The following SLC13A2 variants were observed in gnomAD, a reference collection of about 807,000 sequenced individuals.
SLC13A2 encodes solute carrier family 13 member 2, also known as Na(+)-coupled citrate transporter.
Under a neutral mutation model 58.5 loss-of-function variants are expected in SLC13A2, and 40 were observed. That is an observed-to-expected ratio of 0.68 (90% CI 0.53 to 0.89). The LOEUF (loss-of-function observed/expected upper bound fraction) is 0.89, where lower values mean the gene tolerates loss of function less well. SLC13A2 is among the 40% of genes least tolerant of loss of function. The pLI, the probability that SLC13A2 is intolerant of heterozygous loss-of-function variation, is 0.00. For synonymous variants in SLC13A2, 341 were observed against 331.6 expected (o/e 1.03, Z -0.31); for missense variants, 694 against 772.6 (o/e 0.90, Z 1.21).
Position 28,494,410 on chromosome 17 carries a change from G to A in SLC13A2, c.1206G>A (p.Lys402=). 6.2e-7 allele frequency: 1 copy of A among 1,614,234 alleles called. No individual in the cohort carries two copies. Among genetic ancestry groups the A allele is most frequent in the Admixed American group, 1.7e-5 (1 of 60,032 alleles). ...AAGTAGAAAACCCAGGGAAGCTGAA[G>A]GCCCCTCTTGGCCTCCTCGACTGGA... is the stretch of plus-strand genomic sequence containing the variant. ...TQDPENPGKL[K]APLGLLDWKT... is the part of the protein sequence containing the mutation. Residue 402 remains lysine, a synonymous_variant, in exon 9 of 12, where the codon AAG becomes AAA. Coordinates refer to ENST00000314669, the MANE Select transcript of SLC13A2 (RefSeq NM_003984.4). The surrounding 1 kb of genome is among the most constrained non-coding windows in gnomAD (Gnocchi z 4.0).
intron 1 of SLC13A2, among the ~76,000 whole-genome samples, chr17:28,486,820 G>T (rs142334967): frequency 1.0e-3 from 149 of 147,552 alleles, no homozygotes; most frequent in African/African-American, 3.3e-3. Flanking sequence ...TTGATACAAG[G>T]TCTCACTCCA....
chr17:28,493,870 T>C (rs1464802914), intron 7 of SLC13A2, 81 bp downstream of exon 7: 13 of 1,529,840 alleles, frequency 8.5e-6, no homozygotes, highest in African/African-American at 4.1e-5. Context: ...GGGCCCCCAT[T>C]GCAGAACAGG....
chr17:28,489,382 G>A lies in SLC13A2; in HGVS notation c.231+40G>A, dbSNP rs200808845. On this transcript the variant is annotated intron_variant, in intron 2 of 11. Coordinates refer to ENST00000314669, the MANE Select transcript of SLC13A2 (RefSeq NM_003984.4). ...TAGGAGAAAGCGTTCTGGGCAGTGCGGGAGGCCAGGGGGTGGGTTCCCTCA... is the reference window on the plus strand; with the variant it reads ...TAGGAGAAAGCGTTCTGGGCAGTGCAGGAGGCCAGGGGGTGGGTTCCCTCA... 89 of 1,575,644 alleles carry A rather than the reference G, an allele frequency of 5.6e-5. No homozygotes were observed. In the East Asian group the frequency reaches 7.7e-4, roughly 14 times the overall value.
rs372987612 is a variant in SLC13A2 at position 28,482,005 on chromosome 17, GGTTTGTTT to G, written c.103-7188_103-7181del. Among the ~76,000 whole-genome samples the G allele has an allele frequency of 4.1e-4, 62 of 151,968 alleles. 3 individuals carry two copies. The highest frequency in any genetic ancestry group is 2.0e-3 in the Admixed American group (30 of 15,238). On this transcript the variant is annotated intron_variant, in intron 1 of 11. Coordinates refer to ENST00000314669, the MANE Select transcript of SLC13A2 (RefSeq NM_003984.4). ...ATTTGTTTAGGTTTTAAAAGTTAAG[GGTTTGTTT>G]GTTTGTTTGTTTGTTTGTTTTGAGA...
At chr17:28,480,062 GA>G (rs1276087844) in intron 1 of SLC13A2, among the ~76,000 whole-genome samples, 11 of 151,864 alleles carry the variant, frequency 7.2e-5, no homozygotes. Flanking sequence ...GCTGAGGCAG[GA>G]GATTCTCTTG....
In SLC13A2 at chr17:28,483,245, A is replaced by G. The variant is rs1474090486; in HGVS notation, c.103-5969A>G. 1.2e-4 allele frequency among the ~76,000 whole-genome samples: 19 copies of G among 152,142 alleles called. 1 individual carries two copies. Among genetic ancestry groups the G allele is most frequent in the Non-Finnish European group, 2.9e-5 (2 of 68,010 alleles). On this transcript the variant is annotated intron_variant, in intron 1 of 11. Transcript: ENST00000314669. ...GCACCTTCACTTCCATTTGTGCCTC[A>G]TGTAACCTCTCTGGTTCTCCAGAAG... is the stretch of plus-strand genomic sequence containing the variant.
intron 1 of SLC13A2, among the ~76,000 whole-genome samples, chr17:28,480,174 G>A (rs2068760603): frequency 6.7e-6 from 1 of 150,110 alleles, no homozygotes; most frequent in South Asian, 2.1e-4. Context: ...AAAAGGGGGG[G>A]TCAAAAAAAT....
chr17:28,490,956 G>A (rs1555603279), intron 4 of SLC13A2, 50 bp downstream of exon 4: 8 of 1,508,918 alleles, frequency 5.3e-6, no homozygotes, highest in Middle Eastern at 1.8e-4. Context: ...TTCTTGGAGA[G>A]AGTCTGAGGG....
chr17:28,491,259 C>A (rs1234241713), intron 4 of SLC13A2, among the ~76,000 whole-genome samples, 178 bp from the exon 5 acceptor site: 1 of 152,162 alleles, frequency 6.6e-6, no homozygotes, highest in Admixed American at 6.5e-5. Flanking sequence ...AGGGTGCTCC[C>A]AGCCTGAGAC....
intron 1 of SLC13A2, among the ~76,000 whole-genome samples, chr17:28,483,137 T>G (rs1165909955): frequency 1.3e-5 from 2 of 152,236 alleles, no homozygotes; most frequent in Non-Finnish European, 2.9e-5. Context: ...CAGGCTGTAC[T>G]GTGCCAGTGA....
chr17:28,490,629 GA>G (rs782411378), intron 3 of SLC13A2, 39 bp downstream of exon 3: 119 of 1,588,206 alleles, frequency 7.5e-5, no homozygotes, highest in Non-Finnish European at 9.1e-5. Flanking sequence ...AGAACCTGAC[GA>G]GGAGATATTC....
At chr17:28,478,246 C>T (rs906765579) in intron 1 of SLC13A2, among the ~76,000 whole-genome samples, 4 of 152,144 alleles carry the variant, frequency 2.6e-5, no homozygotes, top group Admixed American at 1.3e-4. Flanking sequence ...GTGGTGCCCC[C>T]GCTGTGACCC....
chr17:28,484,243 G>A (rs138489474), intron 1 of SLC13A2, among the ~76,000 whole-genome samples: 5,601 of 152,244 alleles, frequency 0.037, 121 homozygotes, highest in Middle Eastern at 0.051. Flanking sequence ...TGCAGAAGAG[G>A]TACAGGGACT....
intron 1 of SLC13A2, among the ~76,000 whole-genome samples, chr17:28,486,448 G>GAAC (rs2068883421): frequency 6.6e-6 from 1 of 152,186 alleles, no homozygotes; most frequent in Non-Finnish European, 1.5e-5. Context: ...GATGCAGGAA[G>GAAC]AACAAATCAG....
rs782667964 is a variant in SLC13A2 at position 28,494,356 on chromosome 17, C to T, written c.1187-35C>T. ...TGGAGAGGGGAAAGGCCTGTTTGTT[C>T]TTTGGTGACCCATCCTTCTCTGCTT... On this transcript the variant is annotated intron_variant, in intron 8 of 11. Transcript: ENST00000314669. This position sits in a 1 kb window ranked among gnomAD's most constrained non-coding sequence, Gnocchi z 4.0. 3 of 1,614,132 alleles carry T rather than the reference C, an allele frequency of 1.9e-6. No individual in the cohort carries two copies. The Admixed American group carries it at 5.0e-5, about 27-fold the overall frequency.
chr17:28,497,326 G>A lies in SLC13A2; in HGVS notation c.*57G>A. The A allele has an allele frequency of 1.3e-6, 2 of 1,553,466 alleles. No homozygotes were observed. The highest frequency in any genetic ancestry group is 1.7e-6 in the Non-Finnish European group (2 of 1,147,260). On this transcript the variant is annotated 3_prime_UTR_variant, in exon 12 of 12. Coordinates refer to ENST00000314669, the MANE Select transcript of SLC13A2 (RefSeq NM_003984.4). ...ACCCACCCCATTCCCACTCCTCTGA[G>A]CCCGGAGGGGACACCCCAAGCTCCA...
At chr17:28,474,368 C>G (rs1555599536) in intron 1 of SLC13A2, among the ~76,000 whole-genome samples, 1 of 152,126 alleles carries the variant, frequency 6.6e-6, no homozygotes, top group African/African-American at 2.4e-5. Flanking sequence ...TGCAGGTAGA[C>G]AGCACAAAAA....
chr17:28,491,011 GAAGA>G, intron 4 of SLC13A2, 105 bp downstream of exon 4: 1 of 1,111,478 alleles, frequency 9.0e-7, no homozygotes, highest in South Asian at 1.6e-5. Context: ...TTTGGGGAGA[GAAGA>G]AAGAGATGCA....
Position 28,491,715 on chromosome 17 carries a change from A to G in SLC13A2, c.756-15A>G, listed in dbSNP as rs558418018. The G allele has an allele frequency of 6.8e-6, 11 of 1,613,638 alleles. No individual in the cohort carries two copies. Among genetic ancestry groups the G allele is most frequent in the South Asian group, 2.2e-5 (2 of 91,062 alleles). On this transcript the variant is annotated splice_polypyrimidine_tract_variant and intron_variant, in intron 5 of 11. Transcript: ENST00000314669. ...TCGGGGCAATGTCACACGGCAGCCC[A>G]TGTTCCTCCTTCAGGCTCTTCCCCC...
Sources: gnomAD v4.1 joint callset for allele counts (sites outside exome capture counted in the v4.1 genomes callset) on GRCh38, gnomAD v4.1.1 for gene constraint, Gnocchi (gnomAD v3.1) non-coding constraint, MANE v1.5 for transcripts, NCBI Gene and HGNC (gene_info 2026-07-23, HGNC 2026-07-21) for gene names.